The following PXK variants were observed in gnomAD, a reference collection of about 807,000 sequenced individuals.
PXK encodes the protein PX domain-containing protein kinase-like protein.
A neutral mutation model predicts 84.7 loss-of-function variants in PXK; 35 were observed. The observed-to-expected ratio is 0.41, with a 90% confidence interval of 0.32 to 0.55. The LOEUF is 0.55. Among genes scored for constraint, PXK ranks in the 20% least tolerant of loss-of-function variants. PXK has a pLI of 0.21. For synonymous variants in PXK, 253 were observed against 260.8 expected (o/e 0.97, Z 0.29); for missense variants, 634 against 699.7 (o/e 0.91, Z 1.06).
chr3:58,381,555 C>CAAAAAAAAAAA (rs34125797), intron 3 of PXK, among the ~76,000 whole-genome samples: 1 of 120,918 alleles, frequency 8.3e-6, no homozygotes, highest in Non-Finnish European at 1.6e-5. Context: ...AATAGAAAAC[C>CAAAAAAAAAAA]AAAAAAAAAA....
Position 58,395,137 on chromosome 3 carries a change from C to G in PXK, c.720+35C>G, listed in dbSNP as rs542331136. ...CAAGTTCATGGTCATAAGGAATTCTCAAGTTCCTTTAGAACCTGTTATTGA... is the reference window on the plus strand; with the variant it reads ...CAAGTTCATGGTCATAAGGAATTCTGAAGTTCCTTTAGAACCTGTTATTGA... On this transcript the variant is annotated intron_variant, in intron 8 of 17. Transcript: ENST00000356151. 67 of 1,478,050 alleles carry G rather than the reference C, an allele frequency of 4.5e-5. 1 individual carries two copies. In the South Asian group the frequency reaches 6.2e-4, roughly 14 times the overall value. The allele number at this position is 1,478,050 out of a possible 1,614,324, so 91.6% of individuals were successfully genotyped here.
At chr3:58,362,926 C>T (rs184698001) in intron 1 of PXK, among the ~76,000 whole-genome samples, 1 of 152,170 alleles carries the variant, frequency 6.6e-6, no homozygotes, top group Non-Finnish European at 1.5e-5. Flanking sequence ...CCATGTTGCC[C>T]AGGTTGGTTG....
At chr3:58,422,017 G>A (rs533519024) in intron 17 of PXK, 3 of 985,288 alleles carry the variant, frequency 3.0e-6, no homozygotes, top group Non-Finnish European at 3.6e-6. Context: ...GCAGGCAGCA[G>A]GCAGTTGTTC....
intron 1 of PXK, among the ~76,000 whole-genome samples, chr3:58,356,090 C>T (rs1483720187): frequency 1.3e-5 from 2 of 152,218 alleles, no homozygotes; most frequent in Non-Finnish European, 2.9e-5. Context: ...ATCTCTTTTC[C>T]TCCCTCACTT....
At chr3:58,424,268 T>C (rs2062461125) in intron 17 of PXK, among the ~76,000 whole-genome samples, 1 of 152,170 alleles carries the variant, frequency 6.6e-6, no homozygotes, top group African/African-American at 2.4e-5. Flanking sequence ...CTTCAAACAT[T>C]GTGTATGTTG....
chr3:58,340,010 G>T (rs1186424503), intron 1 of PXK, among the ~76,000 whole-genome samples: 1 of 151,674 alleles, frequency 6.6e-6, no homozygotes, highest in Non-Finnish European at 1.5e-5. Context: ...TAGAGACGGG[G>T]TTTCACCATG....
chr3:58,402,194 C>G (rs1262682277), intron 12 of PXK, among the ~76,000 whole-genome samples: 2 of 151,832 alleles, frequency 1.3e-5, no homozygotes, highest in Non-Finnish European at 2.9e-5. Flanking sequence ...CTATTGCTTT[C>G]CCTCTTTCCC....
intron 3 of PXK, among the ~76,000 whole-genome samples, chr3:58,375,898 C>T (rs188766488): frequency 6.6e-6 from 1 of 152,252 alleles, no homozygotes; most frequent in East Asian, 1.9e-4. Flanking sequence ...ATTTTAATAT[C>T]TATATAATTG....
intron 1 of PXK, among the ~76,000 whole-genome samples, chr3:58,357,772 A>C (rs1034860107): frequency 3.9e-5 from 6 of 152,172 alleles, no homozygotes; most frequent in African/African-American, 1.4e-4. Flanking sequence ...AAACATGGTG[A>C]AACCCCATCT....
intron 1 of PXK, among the ~76,000 whole-genome samples, chr3:58,352,954 T>C (rs1033943496): frequency 6.6e-6 from 1 of 152,254 alleles, no homozygotes; most frequent in East Asian, 1.9e-4. Flanking sequence ...CAATGTGTGC[T>C]TCATCTCTTC....
intron 1 of PXK, among the ~76,000 whole-genome samples, chr3:58,338,492 G>A (rs2097665044): frequency 1.4e-5 from 2 of 147,452 alleles, no homozygotes; most frequent in African/African-American, 5.0e-5. Context: ...GCATGGTGGG[G>A]TGTGCCTGTA....
intron 3 of PXK, among the ~76,000 whole-genome samples, chr3:58,381,081 T>C (rs914968701): frequency 2.0e-5 from 3 of 151,930 alleles, no homozygotes; most frequent in Admixed American, 2.0e-4. Flanking sequence ...ATCCCGTCTC[T>C]ACTAAAAATA....
intron 1 of PXK, among the ~76,000 whole-genome samples, chr3:58,336,071 A>ATATATATATATATT (rs1284780630): frequency 1.6e-3 from 82 of 51,496 alleles, no homozygotes; most frequent in Non-Finnish European, 2.1e-3. Flanking sequence ...ATATATATAT[A>ATATATATATATATT]TTTTTTTTTT....
intron 17 of PXK, chr3:58,420,386 A>T: frequency 1.0e-6 from 1 of 993,262 alleles, no homozygotes; most frequent in Non-Finnish European, 1.5e-6. Flanking sequence ...TGCTGTGGTT[A>T]ATTTGAGTAT....
At chr3:58,351,395 T>TTGTGTGTGTGTGTGTGTGTG (rs57349140) in intron 1 of PXK, among the ~76,000 whole-genome samples, 1 of 140,688 alleles carries the variant, frequency 7.1e-6, no homozygotes, top group South Asian at 2.4e-4. Context: ...AGCTAGCTAT[T>TTGTGTGTGTGTGTGTGTGTG]TGTGTGTGTG....
chr3:58,420,840 C>A (rs2061716321), intron 17 of PXK: 2 of 1,279,250 alleles, frequency 1.6e-6, no homozygotes, highest in East Asian at 3.6e-5. Flanking sequence ...ACCTGCAAAT[C>A]AACTGCATGG....
In PXK at chr3:58,421,547, T is replaced by G. The variant is rs1016520911; in HGVS notation, c.1529-3205T>G. 6.2e-6 allele frequency: 6 copies of G among 967,104 alleles called. No individual in the cohort carries two copies. In the African/African-American group the frequency reaches 1.1e-4, roughly 17 times the overall value. 59.9% of individuals were successfully genotyped at this position (967,104 alleles called of 1,614,324 possible). ...GTGAGCCGAGATCGCGCCACTGCAC[T>G]CCAGCCTGGGCAACAGAGCGAGACT... On this transcript the variant is annotated intron_variant, in intron 17 of 17. Coordinates refer to ENST00000356151, the MANE Select transcript of PXK (RefSeq NM_017771.5). The surrounding 1 kb of genome is among the most constrained non-coding windows in gnomAD (Gnocchi z 5.5).
intron 3 of PXK, among the ~76,000 whole-genome samples, chr3:58,380,251 C>A (rs1454136953): frequency 8.5e-6 from 1 of 118,110 alleles, no homozygotes; most frequent in Non-Finnish European, 1.7e-5. Flanking sequence ...TATGGGAAAA[C>A]AACAACAAAA....
At chr3:58,347,650 G>C (rs1487408726) in intron 1 of PXK, among the ~76,000 whole-genome samples, 1 of 152,138 alleles carries the variant, frequency 6.6e-6, no homozygotes, top group African/African-American at 2.4e-5. Flanking sequence ...GTTATTTCCA[G>C]TTTGGGGCTA....
Sources: allele counts gnomAD v4.1 joint callset (sites outside exome capture counted in the v4.1 genomes callset), GRCh38; gene constraint gnomAD v4.1.1; non-coding constraint Gnocchi (gnomAD v3.1); transcripts MANE v1.5; gene names NCBI Gene and HGNC (gene_info 2026-07-23, HGNC 2026-07-21).